Variants in PCNX2 observed in about 807,000 individuals in gnomAD.
PCNX2 encodes the protein pecanex-like protein 2.
In PCNX2, 168 loss-of-function variants were observed where a neutral mutation model predicts 223.8. That is an observed-to-expected ratio of 0.75 (90% CI 0.66 to 0.85). The LOEUF (loss-of-function observed/expected upper bound fraction) is 0.85, where lower values mean the gene tolerates loss of function less well. Ranked by LOEUF, PCNX2 falls within the 40% of genes least tolerant of loss-of-function variation. The pLI, the probability that PCNX2 is intolerant of heterozygous loss-of-function variation, is 0.00. For synonymous variants in PCNX2, 1,006 were observed against 1,052.6 expected, an observed-to-expected ratio of 0.96 and a Z score of 0.86; for missense variants, 2,507 against 2,675.5, an observed-to-expected ratio of 0.94 and a Z score of 1.39.
chr1:233,310,280 G>T, the PCNX2 span, among the ~76,000 whole-genome samples: 4 of 152,048 alleles, frequency 2.6e-5, no homozygotes, highest in Non-Finnish European at 5.9e-5. Context: ...CAAAAAATAA[G>T]TAAAGATCAA....
intron 17 of PCNX2, among the ~76,000 whole-genome samples, chr1:233,174,071 A>G (rs1315149586): frequency 7.1e-6 from 1 of 140,760 alleles, no homozygotes; most frequent in Non-Finnish European, 1.6e-5. Flanking sequence ...AATTTTATAT[A>G]TAATATATAA....
chr1:233,285,282 T>C (rs929876822), intron 1 of PCNX2, among the ~76,000 whole-genome samples: 1 of 149,260 alleles, frequency 6.7e-6, no homozygotes, highest in African/African-American at 2.5e-5. Context: ...AGCCCAAGTG[T>C]TTGAGGTTGC....
chr1:233,083,774 G>A (rs12116636), intron 23 of PCNX2, among the ~76,000 whole-genome samples: 14 of 152,080 alleles, frequency 9.2e-5, no homozygotes, highest in African/African-American at 2.2e-4. Flanking sequence ...AAATAAACAC[G>A]GTGCCTGAAG....
chr1:233,174,275 A>G (rs917946853), intron 17 of PCNX2, among the ~76,000 whole-genome samples: 105 of 145,950 alleles, frequency 7.2e-4, no homozygotes, highest in Non-Finnish European at 1.4e-3. Flanking sequence ...GTAATATATA[A>G]TTTATATTTT....
chr1:233,036,984 G>A (rs886970305), intron 25 of PCNX2, among the ~76,000 whole-genome samples: 1 of 152,188 alleles, frequency 6.6e-6, no homozygotes, highest in African/African-American at 2.4e-5. Flanking sequence ...GCCAGACACA[G>A]AAAGACTGAG....
chr1:233,166,199 ATAAAT>A (rs1572004270), intron 17 of PCNX2, among the ~76,000 whole-genome samples: 1 of 151,646 alleles, frequency 6.6e-6, no homozygotes, highest in Non-Finnish European at 1.5e-5. Context: ...AAATAAATAA[ATAAAT>A]TAAATTAAAC....
At chr1:233,011,215 A>T (rs1273911366) in intron 28 of PCNX2, among the ~76,000 whole-genome samples, 1 of 152,248 alleles carries the variant, frequency 6.6e-6, no homozygotes, top group Non-Finnish European at 1.5e-5. Flanking sequence ...GACCAAGTAG[A>T]GCTTATTTCA....
chr1:233,050,536 A>G (rs114544813), intron 25 of PCNX2, among the ~76,000 whole-genome samples: 1,583 of 152,326 alleles, frequency 0.01, 6 homozygotes, highest in South Asian at 0.025. Context: ...TCACACACCT[A>G]TAGCCATCTG....
At chr1:233,252,560 G>A in intron 6 of PCNX2, 61 bp from the exon 7 acceptor site, 1 of 1,583,942 alleles carries the variant, frequency 6.3e-7, no homozygotes, top group Non-Finnish European at 8.6e-7. Flanking sequence ...CCTTGATAAA[G>A]CATTAAAAGC....
chr1:233,259,651 G>A (rs1659946409), intron 4 of PCNX2, among the ~76,000 whole-genome samples: 1 of 152,028 alleles, frequency 6.6e-6, no homozygotes, highest in Admixed American at 6.6e-5. Flanking sequence ...AGGCCCCAGT[G>A]TGTGATGTTC....
upstream of PCNX2, among the ~76,000 whole-genome samples, chr1:233,298,711 A>C (rs1662210357): frequency 6.6e-6 from 1 of 152,146 alleles, no homozygotes; most frequent in Admixed American, 6.5e-5. Flanking sequence ...CAACATGATG[A>C]AACCCCATCT....
At chr1:233,236,801 T>C (rs1183522115) in intron 9 of PCNX2, 44 bp downstream of exon 9, 1 of 1,596,244 alleles carries the variant, frequency 6.3e-7, no homozygotes, top group Admixed American at 1.7e-5. Context: ...TAAGATCCCC[T>C]GTTTCCAGAA....
chr1:233,304,410 A>C, the PCNX2 span, among the ~76,000 whole-genome samples: 1 of 152,230 alleles, frequency 6.6e-6, no homozygotes, highest in African/African-American at 2.4e-5. Context: ...CGACAAAAAG[A>C]CTATGTTAAT....
At chr1:233,288,094 T>G (rs561001668) in intron 1 of PCNX2, among the ~76,000 whole-genome samples, 14 of 152,074 alleles carry the variant, frequency 9.2e-5, no homozygotes, top group African/African-American at 3.4e-4. Context: ...GCAGAGGACA[T>G]AGGAAGGAGA....
chr1:232,987,193 G>A (rs1476500775), intron 32 of PCNX2, among the ~76,000 whole-genome samples: 2 of 152,220 alleles, frequency 1.3e-5, no homozygotes, highest in Non-Finnish European at 2.9e-5. Flanking sequence ...GCCCCTCAGG[G>A]GCCCTGCCAC....
the PCNX2 span, among the ~76,000 whole-genome samples, chr1:233,301,596 TCATCCCAGGAATTCAAGGTTGGCTTAA>T: frequency 6.6e-6 from 1 of 152,138 alleles, no homozygotes; most frequent in Non-Finnish European, 1.5e-5. Flanking sequence ...CAAGTAGAAT[TCATCCCAGGAATTCAAGGTTGGCTTAA>T]CATCCAAAAA....
chr1:233,042,516 C>T (rs1361038571), intron 25 of PCNX2, among the ~76,000 whole-genome samples: 1 of 152,202 alleles, frequency 6.6e-6, no homozygotes. Flanking sequence ...CATGGTATAT[C>T]TCCCAACCTG....
chr1:233,226,910 T>C (rs1380917117), intron 10 of PCNX2, among the ~76,000 whole-genome samples: 3 of 152,208 alleles, frequency 2.0e-5, no homozygotes, highest in African/African-American at 7.2e-5. Flanking sequence ...AGCATGCTAC[T>C]GTGCCCAAAC....
chr1:233,312,753 G>A, the PCNX2 span, among the ~76,000 whole-genome samples: 69 of 152,250 alleles, frequency 4.5e-4, no homozygotes, highest in Non-Finnish European at 8.1e-4. Flanking sequence ...TCCAAAGAGA[G>A]TTCATCCCCA....
Sources: gnomAD v4.1 joint callset for allele counts (sites outside exome capture counted in the v4.1 genomes callset) on GRCh38, gnomAD v4.1.1 for gene constraint, MANE v1.5 for transcripts, NCBI Gene and HGNC (gene_info 2026-07-23, HGNC 2026-07-21) for gene names.